Variants in IL1RAPL2 observed in about 807,000 individuals in gnomAD.
IL1RAPL2 encodes the protein X-linked interleukin-1 receptor accessory protein-like 2.
IL1RAPL2 carries 3 observed loss-of-function variants against 44.1 expected under a neutral mutation model. That is an observed-to-expected ratio of 0.07 (90% CI 0.03 to 0.18). The LOEUF (loss-of-function observed/expected upper bound fraction) is 0.18, where lower values mean the gene tolerates loss of function less well. Among genes scored for constraint, IL1RAPL2 ranks in the 10% least tolerant of loss-of-function variants. IL1RAPL2 has a pLI of 1.00. For missense variants in IL1RAPL2, 391 were observed against 496.4 expected (o/e 0.79, Z 2.02); for synonymous variants, 181 against 178.8 (o/e 1.01, Z -0.10).
chrX:105,542,365 G>A (rs1395156498), intron 6 of IL1RAPL2, among the ~76,000 whole-genome samples: 2 of 112,041 alleles, frequency 1.8e-5, no homozygotes, highest in Non-Finnish European at 3.8e-5. Context: ...TAGACTGTGT[G>A]ACACAGCCTG....
intron 5 of IL1RAPL2, among the ~76,000 whole-genome samples, chrX:105,478,642 C>T (rs1047514812): frequency 2.5e-4 from 28 of 111,588 alleles, no homozygotes; most frequent in African/African-American, 7.8e-4. Context: ...ACCTAGACCT[C>T]GCCTGGTTTC....
intron 2 of IL1RAPL2, among the ~76,000 whole-genome samples, chrX:104,866,700 T>C: frequency 8.9e-6 from 1 of 111,945 alleles, no homozygotes. Context: ...GTTTTGGTGA[T>C]TTAGAAACAA....
chrX:105,073,556 A>G (rs2032242199), intron 2 of IL1RAPL2, among the ~76,000 whole-genome samples: 1 of 110,899 alleles, frequency 9.0e-6, no homozygotes, highest in Non-Finnish European at 1.9e-5. Context: ...TTGGGTATAT[A>G]CCCTGTAATG....
intron 2 of IL1RAPL2, among the ~76,000 whole-genome samples, chrX:104,828,231 T>C (rs1277476837): frequency 3.6e-5 from 4 of 112,557 alleles, no homozygotes; most frequent in Admixed American, 1.9e-4. Context: ...ATTTTCAGCC[T>C]TTTTGTGCTG....
intron 2 of IL1RAPL2, among the ~76,000 whole-genome samples, chrX:104,977,121 C>T (rs748116868): frequency 7.4e-4 from 83 of 111,576 alleles, no homozygotes; most frequent in Non-Finnish European, 8.7e-4. Context: ...TCAGAGGGGA[C>T]ACTCACCCAT....
intron 2 of IL1RAPL2, among the ~76,000 whole-genome samples, chrX:104,782,242 C>T (rs1334869679): frequency 9.0e-6 from 1 of 111,229 alleles, no homozygotes; most frequent in African/African-American, 3.3e-5. Context: ...TAAGGGGCAA[C>T]TGGTAGTCCA....
At chrX:104,884,209 T>C (rs1923163138) in intron 2 of IL1RAPL2, among the ~76,000 whole-genome samples, 1 of 111,128 alleles carries the variant, frequency 9.0e-6, no homozygotes, top group South Asian at 3.8e-4. Flanking sequence ...GGTGCAAGTT[T>C]TTGAGAATGC....
chrX:104,677,301 G>T (rs1930788004), intron 2 of IL1RAPL2, among the ~76,000 whole-genome samples: 1 of 110,293 alleles, frequency 9.1e-6, no homozygotes. Flanking sequence ...CTGTTTGTTA[G>T]TTTTCCTTCT....
chrX:105,199,347 A>G (rs1253882280), intron 3 of IL1RAPL2, among the ~76,000 whole-genome samples: 2 of 104,078 alleles, frequency 1.9e-5, no homozygotes, highest in Non-Finnish European at 1.9e-5. Context: ...CTTACATTGT[A>G]GAAAGATGCT....
At chrX:104,908,128 C>T (rs1173780007) in intron 2 of IL1RAPL2, among the ~76,000 whole-genome samples, 1 of 110,618 alleles carries the variant, frequency 9.0e-6, no homozygotes, top group Non-Finnish European at 1.9e-5. Context: ...ATTGCAACCC[C>T]TGCCTTTTTA....
chrX:104,900,821 T>G (rs1923791358), intron 2 of IL1RAPL2, among the ~76,000 whole-genome samples: 1 of 112,008 alleles, frequency 8.9e-6, no homozygotes, highest in Non-Finnish European at 1.9e-5. Flanking sequence ...GGAAATATTC[T>G]CTGCCTCTGG....
At chrX:104,904,533 A>G (rs1284878951) in intron 2 of IL1RAPL2, among the ~76,000 whole-genome samples, 2 of 97,631 alleles carry the variant, frequency 2.0e-5, no homozygotes, top group African/African-American at 7.6e-5. Flanking sequence ...ATTCCCATCT[A>G]TGAGTGAGAA....
intron 2 of IL1RAPL2, among the ~76,000 whole-genome samples, chrX:105,186,229 C>T (rs1357194895): frequency 9.0e-6 from 1 of 110,582 alleles, no homozygotes; most frequent in African/African-American, 3.3e-5. Context: ...TCAGTAAGAC[C>T]TCCTAAGTTT....
In IL1RAPL2 at chrX:105,660,548, T is replaced by G. The variant is rs773097051; in HGVS notation, c.773-56819T>G. On this transcript the variant is annotated intron_variant, in intron 6 of 10. Transcript: ENST00000372582. ...GTAGGAAGATGAAAAGATGAAGAAA[T>G]AAAAAAATAATAACCATAACAACTT... Among the ~76,000 whole-genome samples, 54 of 110,413 alleles carry G rather than the reference T, an allele frequency of 4.9e-4. 1 individual carries two copies. Among genetic ancestry groups the G allele is most frequent in the Non-Finnish European group, 4.6e-4 (24 of 52,684 alleles).
At chrX:105,332,189 G>C (rs2034992265) in intron 5 of IL1RAPL2, among the ~76,000 whole-genome samples, 1 of 110,493 alleles carries the variant, frequency 9.1e-6, no homozygotes, top group Non-Finnish European at 1.9e-5. Context: ...CAAGTACCCT[G>C]CCACCCCAAA....
intron 2 of IL1RAPL2, among the ~76,000 whole-genome samples, chrX:105,115,353 G>A (rs142363119): frequency 0.013 from 1,502 of 111,440 alleles, 23 homozygotes; most frequent in African/African-American, 0.046. Context: ...GCTAGGTTGG[G>A]CAGCCTGCCT....
intron 2 of IL1RAPL2, among the ~76,000 whole-genome samples, chrX:104,892,014 A>T (rs1338128456): frequency 9.0e-6 from 1 of 111,578 alleles, no homozygotes; most frequent in African/African-American, 3.3e-5. Flanking sequence ...AGGGCTGTTG[A>T]ATTTTGTGAC....
At chrX:105,461,120 A>G (rs2036090161) in intron 5 of IL1RAPL2, among the ~76,000 whole-genome samples, 1 of 111,917 alleles carries the variant, frequency 8.9e-6, no homozygotes, top group African/African-American at 3.2e-5. Flanking sequence ...AATGCAAAGT[A>G]TCAAACACTG....
chrX:105,030,585 G>A (rs1424850191), intron 2 of IL1RAPL2, among the ~76,000 whole-genome samples: 2 of 111,557 alleles, frequency 1.8e-5, no homozygotes, highest in African/African-American at 3.3e-5. Context: ...TGAGGGCTCT[G>A]TTCTGTTCCA....
Sources: allele counts gnomAD v4.1 joint callset (sites outside exome capture counted in the v4.1 genomes callset), GRCh38; gene constraint gnomAD v4.1.1; transcripts MANE v1.5; gene names NCBI Gene and HGNC (gene_info 2026-07-23, HGNC 2026-07-21).